SORBS2: variants seen among roughly 807,000 people sequenced by gnomAD.
The protein encoded by SORBS2 is sorbin and SH3 domain-containing protein 2.
In SORBS2, 46 loss-of-function variants were observed where a neutral mutation model predicts 97.7. The ratio of observed to expected loss-of-function variants is 0.47; its 90% CI spans 0.37 to 0.60. The LOEUF is 0.60. Among genes scored for constraint, SORBS2 ranks in the 20% least tolerant of loss-of-function variants. The pLI, the probability that SORBS2 is intolerant of heterozygous loss-of-function variation, is 0.00. For synonymous variants in SORBS2, 476 were observed against 473.4 expected, an observed-to-expected ratio of 1.01 and a Z score of -0.07; for missense variants, 1,316 against 1,282.3, an observed-to-expected ratio of 1.03 and a Z score of -0.40.
Position 185,623,780 on chromosome 4 carries a change from T to G in SORBS2, c.1349A>C (p.Lys450Thr). The G allele has an allele frequency of 6.2e-7, 1 of 1,614,172 alleles. No individual in the cohort carries two copies. Among genetic ancestry groups the G allele is most frequent in the Non-Finnish European group, 8.5e-7 (1 of 1,180,032 alleles). Reference sequence around the variant, plus strand: ...CAAATACTCAATGGAAAACCGCCTCTTGGGACATAGGCCATTTTGCGGTGG... The same window carrying G: ...CAAATACTCAATGGAAAACCGCCTCGTGGGACATAGGCCATTTTGCGGTGG... The change falls in exon 7 of 15, where the codon AAG becomes ACG. Residue 450 changes from lysine to threonine, a missense_variant. Physicochemically the swap from Lys to Thr is moderately conservative, Grantham distance 78. Coordinates refer to ENST00000418609, the Ensembl canonical transcript of SORBS2. The surrounding 1 kb of genome is among the most constrained non-coding windows in gnomAD (Gnocchi z 6.4).
At chr4:185,864,736 C>T (rs1222000340) in intron 1 of SORBS2, among the ~76,000 whole-genome samples, 2 of 151,982 alleles carry the variant, frequency 1.3e-5, no homozygotes, top group Non-Finnish European at 2.9e-5. Flanking sequence ...CATGGTGAAA[C>T]CCTGTCTCTA....
chr4:185,732,447 C>A lies in SORBS2; in HGVS notation c.-198+42780G>T, dbSNP rs80336654. Among the ~76,000 whole-genome samples, 168 of 152,280 alleles carry A rather than the reference C, an allele frequency of 1.1e-3. 5 individuals are homozygous for A. The East Asian group carries it at 0.022, about 20-fold the overall frequency. On this transcript the variant is annotated intron_variant, in intron 2 of 20. Coordinates refer to the SORBS2 transcript ENST00000284776. ...AGGGTTTTAGAGGTTCATGATTTCT[C>A]AGGGAGACCAAAGTGCCTATGTGAC... is the stretch of plus-strand genomic sequence containing the variant.
intron 2 of SORBS2, among the ~76,000 whole-genome samples, chr4:185,711,227 C>T (rs921733736): frequency 4.6e-5 from 7 of 151,990 alleles, no homozygotes; most frequent in Non-Finnish European, 1.0e-4. Context: ...CCTCTCCCAT[C>T]TCATCCTCCC....
intron 1 of SORBS2, among the ~76,000 whole-genome samples, chr4:185,864,132 A>G (rs1251200424): frequency 6.6e-6 from 1 of 152,194 alleles, no homozygotes; most frequent in Admixed American, 6.5e-5. Context: ...AAAGTGTGCC[A>G]TTATTACTAT....
At chr4:185,886,015 C>T (rs1208019151) in intron 1 of SORBS2, among the ~76,000 whole-genome samples, 4 of 152,114 alleles carry the variant, frequency 2.6e-5, no homozygotes, top group Non-Finnish European at 5.9e-5. Flanking sequence ...GTTACTGCGC[C>T]CCTTAGTAAA....
rs910841884 is a variant in SORBS2, at chr4:185,713,393, C to T, written c.-197-34571G>A. 1.2e-4 allele frequency among the ~76,000 whole-genome samples: 19 copies of T among 152,192 alleles called. 1 individual carries two copies. In the East Asian group the frequency reaches 3.5e-3, roughly 28 times the overall value. ...TTTTCTGCAGAACACTTCTTATCAC[C>T]TCTCATCTTACGTGTTTGCTTTTTA... On this transcript the variant is annotated intron_variant, in intron 2 of 20. Transcript: ENST00000284776.
intron 1 of SORBS2, among the ~76,000 whole-genome samples, chr4:185,805,311 A>C (rs2099148606): frequency 6.6e-6 from 1 of 152,192 alleles, no homozygotes; most frequent in Non-Finnish European, 1.5e-5. Context: ...ATTTTTAAAA[A>C]ATCAGAAAAA....
At chr4:185,730,122 T>C (rs1583566017) in intron 2 of SORBS2, among the ~76,000 whole-genome samples, 1 of 152,032 alleles carries the variant, frequency 6.6e-6, no homozygotes, top group East Asian at 1.9e-4. Context: ...CTGGCTAATT[T>C]TTTGTATTTT....
intron 3 of SORBS2, among the ~76,000 whole-genome samples, chr4:185,648,872 C>T (rs916167936): frequency 6.6e-6 from 1 of 151,880 alleles, no homozygotes; most frequent in African/African-American, 2.4e-5. Context: ...AATGAGCGCT[C>T]AATGAAGGTT....
At chr4:185,659,681 A>G (rs1240190840), upstream of SORBS2, among the ~76,000 whole-genome samples, 1 of 151,890 alleles carries the variant, frequency 6.6e-6, no homozygotes, top group Non-Finnish European at 1.5e-5. Context: ...TCGGCCTTCC[A>G]AAGTGCTGGG....
chr4:185,658,304 G>A (rs77978276), upstream of SORBS2, among the ~76,000 whole-genome samples: 841 of 152,244 alleles, frequency 5.5e-3, 4 homozygotes, highest in Middle Eastern at 0.01. Flanking sequence ...TAATTTAGAT[G>A]AGGCTTATCG....
chr4:185,646,770 A>T, exon 4 of SORBS2: 1 of 1,600,848 alleles, frequency 6.2e-7, no homozygotes, highest in Non-Finnish European at 8.6e-7. Flanking sequence ...TGTCTGGAGG[A>T]TCCCAGTCAT....
intron 1 of SORBS2, among the ~76,000 whole-genome samples, chr4:185,786,569 C>G (rs1018756427): frequency 4.6e-5 from 7 of 152,222 alleles, no homozygotes; most frequent in Non-Finnish European, 1.0e-4. Context: ...GGGTTTGGAA[C>G]CAGGCACAGC....
rs578213782 is a variant in SORBS2 at position 185,615,410 on chromosome 4, T to C, written c.2352-251A>G. 1.7e-4 allele frequency among the ~76,000 whole-genome samples: 26 copies of C among 152,300 alleles called. 1 individual carries two copies. The highest frequency in any genetic ancestry group is 3.1e-4 in the Non-Finnish European group (21 of 68,032). On this transcript the variant is annotated intron_variant, in intron 9 of 14. Transcript: ENST00000418609. ...CATTGGATATAAATCACAGACAGAT[T>C]AATAAGAAGTTTAAAGGAGGGGACA...
intron 4 of SORBS2, chr4:185,665,801 A>G: frequency 9.1e-7 from 1 of 1,103,532 alleles, no homozygotes. Flanking sequence ...CAGGTGGGGG[A>G]GGGTGTCTCA....
At chr4:185,886,188 T>G (rs1485733864) in intron 1 of SORBS2, among the ~76,000 whole-genome samples, 1 of 152,182 alleles carries the variant, frequency 6.6e-6, no homozygotes, top group Non-Finnish European at 1.5e-5. Flanking sequence ...TTAAATTCCT[T>G]GCTAGAAACT....
intron 1 of SORBS2, among the ~76,000 whole-genome samples, chr4:185,875,365 TA>T (rs2099232940): frequency 6.6e-6 from 1 of 152,210 alleles, no homozygotes; most frequent in South Asian, 2.1e-4. Flanking sequence ...ACCATAAATA[TA>T]TTTGGTTTTC....
At chr4:185,587,551 G>T in exon 15 of SORBS2, 3 of 1,302,544 alleles carry the variant, frequency 2.3e-6, no homozygotes, top group Non-Finnish European at 2.2e-6. Flanking sequence ...ACAACGGGAG[G>T]CCCGCGGGGT....
In SORBS2 at chr4:185,936,076, C is replaced by T. The variant is rs184751676; in HGVS notation, c.-338+20120G>A. 2.6e-5 allele frequency among the ~76,000 whole-genome samples: 4 copies of T among 152,222 alleles called. No individual in the cohort carries two copies. In the East Asian group the frequency reaches 7.7e-4, roughly 29 times the overall value. Reference sequence around the variant, plus strand: ...CATGTTGCATGTTGGACAGGCTGGTCCTGAACTCCTGAGCTCAAGTGATTA... The same window carrying T: ...CATGTTGCATGTTGGACAGGCTGGTTCTGAACTCCTGAGCTCAAGTGATTA... On this transcript the variant is annotated intron_variant, in intron 1 of 20. Coordinates refer to the SORBS2 transcript ENST00000284776.
Sources: gnomAD v4.1 joint callset for allele counts (sites outside exome capture counted in the v4.1 genomes callset) on GRCh38, gnomAD v4.1.1 for gene constraint, Gnocchi (gnomAD v3.1) non-coding constraint, MANE v1.5 for transcripts, NCBI Gene and HGNC (gene_info 2026-07-23, HGNC 2026-07-21) for gene names.